Variants in NINL observed in about 807,000 individuals in gnomAD.
The protein encoded by NINL is ninein like.
NINL carries 153 observed loss-of-function variants against 160.3 expected under a neutral mutation model. That is an observed-to-expected ratio of 0.95 (90% confidence interval 0.84 to 1.09). The LOEUF (loss-of-function observed/expected upper bound fraction) is 1.09. Ranked by LOEUF, NINL falls within the 50% of genes least tolerant of loss-of-function variation. The pLI, the probability that NINL is intolerant of heterozygous loss-of-function variation, is 0.00. For missense variants in NINL, 1,829 were observed against 1,764.0 expected, an observed-to-expected ratio of 1.04 and a Z score of -0.66; for synonymous variants, 800 against 734.8, an observed-to-expected ratio of 1.09 and a Z score of -1.43.
chr20:25,526,626 C>T lies in NINL; in HGVS notation c.-11-28G>A, dbSNP rs763852910. Reference sequence around the variant, plus strand: ...GGCAGTGTGCAAGGGAAGAAGAAAACATCAGGACACTTTCCCACCTCCCCT... The same window carrying T: ...GGCAGTGTGCAAGGGAAGAAGAAAATATCAGGACACTTTCCCACCTCCCCT... On this transcript the variant is annotated intron_variant, in intron 1 of 23. Transcript: ENST00000278886. 1.5e-5 allele frequency: 24 copies of T among 1,593,366 alleles called. No individual in the cohort carries two copies. The African/African-American group carries it at 3.2e-4, about 21-fold the overall frequency.
In NINL at chr20:25,517,844, G is replaced by A; in HGVS notation, c.186C>T (p.Asn62=). Residue 62 remains asparagine (N), a synonymous_variant, in exon 3 of 24, where the codon AAC becomes AAT. Coordinates refer to ENST00000278886, the MANE Select transcript of NINL (RefSeq NM_025176.6). ...LLGNDHFARV[N]FEEFKEGFVA... ...CAAAACCTTCCTTAAATTCCTCAAA[G>A]TTAACCTGGGTGAATTGAAGGTGAG... The A allele has an allele frequency of 6.3e-7, 1 of 1,598,500 alleles. No individual in the cohort carries two copies. Among genetic ancestry groups the A allele is most frequent in the Non-Finnish European group, 8.5e-7 (1 of 1,174,954 alleles).
chr20:25,463,433 C>A (rs1315176983), intron 19 of NINL, among the ~76,000 whole-genome samples: 2 of 152,178 alleles, frequency 1.3e-5, no homozygotes, highest in Non-Finnish European at 2.9e-5. Context: ...ATAGGTTCAT[C>A]AAATTGTATG....
intron 1 of NINL, among the ~76,000 whole-genome samples, chr20:25,581,277 C>G (rs1166137496): frequency 6.6e-6 from 1 of 152,150 alleles, no homozygotes; most frequent in Admixed American, 6.5e-5. Context: ...AACTCTGTCT[C>G]TACTAAAAAT....
At chr20:25,568,947 CT>C (rs1484405073) in intron 1 of NINL, among the ~76,000 whole-genome samples, 1 of 149,324 alleles carries the variant, frequency 6.7e-6, no homozygotes, top group Non-Finnish European at 1.5e-5. Context: ...TTTTTTTTTC[CT>C]GCTGGGTGTG....
At chr20:25,523,533 G>C (rs2064300337) in intron 2 of NINL, among the ~76,000 whole-genome samples, 1 of 152,170 alleles carries the variant, frequency 6.6e-6, no homozygotes, top group South Asian at 2.1e-4. Context: ...GATTACATGT[G>C]TGAGCCACCG....
chr20:25,579,893 A>G (rs1175180037), intron 1 of NINL, among the ~76,000 whole-genome samples: 1 of 152,220 alleles, frequency 6.6e-6, no homozygotes, highest in African/African-American at 2.4e-5. Flanking sequence ...GATATACTCT[A>G]CAAATGTAAA....
rs750153399 is a variant in NINL, at chr20:25,458,498, G to A, written c.3728C>T (p.Ala1243Val). The A allele has an allele frequency of 6.2e-7, 1 of 1,600,228 alleles. No homozygotes were observed. Among genetic ancestry groups the A allele is most frequent in the South Asian group, 1.1e-5 (1 of 90,856 alleles). The change falls in exon 22 of 24, where the codon GCC (alanine) becomes GTC (valine). Residue 1243 changes from alanine to valine, a missense_variant. By Grantham distance (64) the Ala-to-Val change is moderately conservative. Coordinates refer to ENST00000278886, the MANE Select transcript of NINL (RefSeq NM_025176.6). ...GACCTCCTGCAAGTGCTGGGCCTGG[G>A]CCTGCCTCAGCCTCAGGTGAGCTCC... ...VQGAHLRLRQ[A>V]QAQHLQEVRL...
At chr20:25,534,082 C>T (rs1209273331) in intron 1 of NINL, among the ~76,000 whole-genome samples, 1 of 152,144 alleles carries the variant, frequency 6.6e-6, no homozygotes, top group African/African-American at 2.4e-5. Context: ...TCTTCCTGGC[C>T]CAGGATACAC....
rs76481658 is a variant in NINL at position 25,454,708 on chromosome 20, C to T, written c.3957+965G>A. 3.2e-3 allele frequency among the ~76,000 whole-genome samples: 491 copies of T among 152,176 alleles called. 3 individuals are homozygous for T. The highest frequency in any genetic ancestry group is 0.011 in the African/African-American group (441 of 41,522). ...GGCCGGGCCTCTTCTGTGTGTGCAC[C>T]CCACACCCGTGGGGTCCACCCACAC... is the stretch of plus-strand genomic sequence containing the variant. On this transcript the variant is annotated intron_variant, in intron 23 of 23. Coordinates refer to ENST00000278886, the MANE Select transcript of NINL (RefSeq NM_025176.6).
chr20:25,473,655 C>T (rs907586465), intron 17 of NINL, among the ~76,000 whole-genome samples: 26 of 149,612 alleles, frequency 1.7e-4, no homozygotes, highest in Non-Finnish European at 2.2e-4. Flanking sequence ...GAAACCCCGT[C>T]TGTAGTAAAA....
intron 11 of NINL, among the ~76,000 whole-genome samples, chr20:25,490,366 C>T (rs889657204): frequency 1.3e-5 from 2 of 152,152 alleles, no homozygotes; most frequent in African/African-American, 4.8e-5. Context: ...CAAGACCATC[C>T]TGGCTAACAT....
intron 1 of NINL, among the ~76,000 whole-genome samples, chr20:25,546,079 A>G (rs1373188300): frequency 6.6e-6 from 1 of 151,642 alleles, no homozygotes; most frequent in Non-Finnish European, 1.5e-5. Context: ...CTGCTTCCCT[A>G]AAATGCATAA....
intron 3 of NINL, among the ~76,000 whole-genome samples, chr20:25,514,957 G>C (rs1164332879): frequency 6.6e-6 from 1 of 152,228 alleles, no homozygotes; most frequent in African/African-American, 2.4e-5. Flanking sequence ...TGCAGGGACG[G>C]AGCCCTCATG....
intron 1 of NINL, among the ~76,000 whole-genome samples, chr20:25,578,464 A>G (rs534350378): frequency 6.6e-6 from 1 of 152,240 alleles, no homozygotes; most frequent in East Asian, 1.9e-4. Context: ...AAAGCAAAGC[A>G]CAATTCATTA....
chr20:25,528,768 T>C (rs183640008), intron 1 of NINL, among the ~76,000 whole-genome samples: 64 of 152,274 alleles, frequency 4.2e-4, no homozygotes, highest in Admixed American at 1.9e-3. Flanking sequence ...TGGTTCAGCC[T>C]ATAAGGTAGG....
chr20:25,554,547 G>A (rs1224534721), intron 1 of NINL, among the ~76,000 whole-genome samples: 1 of 148,804 alleles, frequency 6.7e-6, no homozygotes, highest in Non-Finnish European at 1.5e-5. Context: ...CACTTTGGGA[G>A]GCCGGGGTGG....
intron 1 of NINL, among the ~76,000 whole-genome samples, chr20:25,533,282 C>A (rs2064499156): frequency 6.6e-6 from 1 of 152,026 alleles, no homozygotes; most frequent in Admixed American, 6.6e-5. Flanking sequence ...AGGGGCTGAG[C>A]CCAAAACACA....
At position 25,554,731 on chromosome 20, in the gene NINL, C is replaced by T. The variant is rs541946135; in HGVS notation, c.-11-28133G>A. Reference sequence around the variant, plus strand: ...CTGAGGCAGGAGGATCACTTGGGCCCAGGAGGTCAAGGCTGAAGTAAGCTG... The same window carrying T: ...CTGAGGCAGGAGGATCACTTGGGCCTAGGAGGTCAAGGCTGAAGTAAGCTG... On this transcript the variant is annotated intron_variant, in intron 1 of 23. Transcript: ENST00000278886. Among the ~76,000 whole-genome samples the T allele has an allele frequency of 1.0e-3, 152 of 151,678 alleles. 3 individuals are homozygous for T. In the South Asian group the frequency reaches 0.028, roughly 28 times the overall value.
intron 1 of NINL, among the ~76,000 whole-genome samples, chr20:25,532,052 C>G (rs1426850379): frequency 2.0e-5 from 3 of 151,832 alleles, no homozygotes; most frequent in Non-Finnish European, 2.9e-5. Context: ...AAGGACAGCT[C>G]TGTGTGTGGC....
Sources: allele counts gnomAD v4.1 joint callset (sites outside exome capture counted in the v4.1 genomes callset), GRCh38; gene constraint gnomAD v4.1.1; transcripts MANE v1.5; gene names NCBI Gene and HGNC (gene_info 2026-07-23, HGNC 2026-07-21).